ZC3H12A: variants seen among roughly 807,000 people sequenced by gnomAD.
The protein encoded by ZC3H12A is zinc finger CCCH-type containing 12A.
Under a neutral mutation model 29.9 loss-of-function variants are expected in ZC3H12A, and 9 were observed. The ratio of observed to expected loss-of-function variants is 0.30; its 90% CI spans 0.18 to 0.53. The LOEUF is 0.53. Among genes scored for constraint, ZC3H12A ranks in the 20% least tolerant of loss-of-function variants. The pLI is 0.96. For missense variants in ZC3H12A, 617 were observed against 799.0 expected, an observed-to-expected ratio of 0.77 and a Z score of 2.75; for synonymous variants, 323 against 338.1, an observed-to-expected ratio of 0.96 and a Z score of 0.49.
At chr1:37,480,527 C>A in intron 3 of ZC3H12A, 98 bp downstream of exon 3, 1 of 1,430,464 alleles carries the variant, frequency 7.0e-7, no homozygotes, top group Admixed American at 2.5e-5. Context: ...ACTTCTAGAA[C>A]TCAAGCAGGG....
At chr1:37,480,551 T>C in intron 3 of ZC3H12A, 122 bp downstream of exon 3, 1 of 1,350,094 alleles carries the variant, frequency 7.4e-7, no homozygotes, top group Non-Finnish European at 9.8e-7. Context: ...AGCATTTCTT[T>C]TCTCAGTTTT....
chr1:37,481,706 T>C lies in ZC3H12A; in HGVS notation c.689T>C (p.Val230Ala). ...RVVCYDDRFI[V>A]KLAYESDGIV... ...GTGTGCTATGACGACAGATTCATTG[T>C]GAAGCTGGCCTACGAGTCTGACGGG... Residue 230 changes from valine to alanine, a missense_variant, in exon 4 of 6, where the codon GTG becomes GCG. By Grantham distance (64) the Val-to-Ala change is moderately conservative (BLOSUM62 0). This residue lies in a region of ZC3H12A where 255 missense variants were observed against 402.5 expected (regional missense o/e 0.63). Transcript: ENST00000373087. 1 of 1,614,226 alleles carries C rather than the reference T, an allele frequency of 6.2e-7. No homozygotes were observed. The highest frequency in any genetic ancestry group is 8.5e-7 in the Non-Finnish European group (1 of 1,180,036).
rs936136132 is a variant in ZC3H12A, at chr1:37,484,064, T to G, written c.*453T>G. 1 of 165,654 alleles carries G rather than the reference T, an allele frequency of 6.0e-6. No individual in the cohort carries two copies. The highest frequency in any genetic ancestry group is 2.4e-5 in the African/African-American group (1 of 41,930). 10.3% of individuals were successfully genotyped at this position (165,654 alleles called of 1,614,324 possible). ...ACCGTGTGCCTGCCCTCCAAGGGCC[T>G]CCTCTACGCCAATGAGGCCTCATCT... On this transcript the variant is annotated 3_prime_UTR_variant, in exon 6 of 6. Transcript: ENST00000373087.
rs977108579 is a variant in ZC3H12A at position 37,484,264 on chromosome 1, G to A, written c.*653G>A. 1 of 152,284 alleles carries A rather than the reference G, an allele frequency of 6.6e-6. No individual in the cohort carries two copies. Among genetic ancestry groups the A allele is most frequent in the African/African-American group, 2.4e-5 (1 of 41,436 alleles). The allele number at this position is 152,284 out of a possible 1,614,324, so 9.4% of individuals were successfully genotyped here. A position where few individuals can be genotyped will look rare whatever the true frequency, so the allele number is the denominator to read the frequency against. On this transcript the variant is annotated 3_prime_UTR_variant, in exon 6 of 6. Transcript: ENST00000373087. ...CAGAGTCATCTCGCCCTTCCCCATG[G>A]GTGGGGGAACCTGTGTTTGTTTGTG...
chr1:37,480,799 CCT>C (rs1641686017), intron 3 of ZC3H12A, among the ~76,000 whole-genome samples: 1 of 151,600 alleles, frequency 6.6e-6, no homozygotes, highest in African/African-American at 2.4e-5. Flanking sequence ...GACAGGGACC[CCT>C]CTTAGCCCTG....
Position 37,475,904 on chromosome 1 carries a change from A to C in ZC3H12A, c.408A>C (p.Arg136Ser). The C allele has an allele frequency of 6.6e-7, 1 of 1,523,706 alleles. No individual in the cohort carries two copies. The allele number at this position is 1,523,706 out of a possible 1,614,324, so 94.4% of individuals were successfully genotyped here. The change falls in exon 2 of 6, where the codon AGA (arginine) becomes AGC (serine). Residue 136 changes from arginine to serine, a missense_variant. Arg to Ser is a moderately radical substitution (Grantham distance 110, BLOSUM62 -1). Coordinates refer to ENST00000373087, the MANE Select transcript of ZC3H12A (RefSeq NM_025079.3). This position sits in a 1 kb window ranked among gnomAD's most constrained non-coding sequence, Gnocchi z 5.2. ...AGGAAAAGGAGGGCAGCGACCTGAGACCAGTGGTCATCGATGGGAGCAACG... is the reference window on the plus strand; with the variant it reads ...AGGAAAAGGAGGGCAGCGACCTGAGCCCAGTGGTCATCGATGGGAGCAACG... The part of the protein sequence containing the change: ...PEEEKEGSDL[R>S]PVVIDGSNVA...
At position 37,481,728 on chromosome 1, in the gene ZC3H12A, C is replaced by G. The variant is rs138323365; in HGVS notation, c.711C>G (p.Asp237Glu). The G allele has an allele frequency of 6.2e-7, 1 of 1,614,240 alleles. No individual in the cohort carries two copies. The highest frequency in any genetic ancestry group is 2.2e-5 in the East Asian group (1 of 44,890). The change falls in exon 4 of 6, where the codon GAC (aspartate) becomes GAG (glutamate). Residue 237 changes from aspartate to glutamate, a missense_variant. By Grantham distance (45) the Asp-to-Glu change is conservative (BLOSUM62 2). This residue lies in a region of ZC3H12A where 255 missense variants were observed against 402.5 expected (regional missense o/e 0.63). Transcript: ENST00000373087. ...RFIVKLAYES[D>E]GIVVSNDTYR... ...TTGTGAAGCTGGCCTACGAGTCTGACGGGATCGTGGTTTCCAACGACACAT... is the reference window on the plus strand; with the variant it reads ...TTGTGAAGCTGGCCTACGAGTCTGAGGGGATCGTGGTTTCCAACGACACAT...
In ZC3H12A at chr1:37,475,495, C is replaced by A; in HGVS notation, c.-2C>A. On this transcript the variant is annotated 5_prime_UTR_variant, in exon 2 of 6. Coordinates refer to ENST00000373087, the MANE Select transcript of ZC3H12A (RefSeq NM_025079.3). The surrounding 1 kb of genome is among the most constrained non-coding windows in gnomAD (Gnocchi z 5.2). ...GCGCGGGGCCTTCCAGGAGTCTGAG[C>A]TATGAGTGGCCCCTGTGGAGAGAAG... 6.3e-7 allele frequency: 1 copy of A among 1,599,768 alleles called. No individual in the cohort carries two copies. Among genetic ancestry groups the A allele is most frequent in the Non-Finnish European group, 8.5e-7 (1 of 1,172,284 alleles).
chr1:37,482,702 C>G (rs748566226), intron 5 of ZC3H12A, 35 bp from the exon 6 acceptor site: 2 of 1,612,682 alleles, frequency 1.2e-6, no homozygotes, highest in Non-Finnish European at 1.7e-6. Context: ...TTCTGAAGTG[C>G]CCCTGCTTAG....
intron 3 of ZC3H12A, 55 bp downstream of exon 3, chr1:37,480,484 T>A: frequency 1.3e-6 from 2 of 1,572,546 alleles, no homozygotes; most frequent in Non-Finnish European, 1.7e-6. Context: ...GCCCTGGTTC[T>A]CCCCAAGAGA....
Position 37,480,316 on chromosome 1 carries a change from G to C in ZC3H12A, c.470G>C (p.Cys157Ser). The C allele has an allele frequency of 6.2e-7, 1 of 1,613,964 alleles. No homozygotes were observed. The highest frequency in any genetic ancestry group is 1.7e-5 in the Admixed American group (1 of 60,012). Reference protein sequence around the residue: ...MSHGNKEVFSCRGILLAVNWF... With the variant: ...MSHGNKEVFSSRGILLAVNWF... ...CATGGGAACAAGGAGGTCTTCTCCT[G>C]CCGGGGCATCCTGCTGGCAGTGAAC... The change falls in exon 3 of 6, where the codon TGC (cysteine) becomes TCC (serine). Residue 157 changes from cysteine to serine, a missense_variant. Cys to Ser is a moderately radical substitution (Grantham distance 112). This residue lies in a region of ZC3H12A where 255 missense variants were observed against 402.5 expected (regional missense o/e 0.63). Transcript: ENST00000373087.
At chr1:37,480,833 T>C (rs1641686772) in intron 3 of ZC3H12A, among the ~76,000 whole-genome samples, 1 of 151,730 alleles carries the variant, frequency 6.6e-6, no homozygotes, top group African/African-American at 2.4e-5. Flanking sequence ...ATGCTCCTCA[T>C]CTGAAACATG....
At chr1:37,480,158 G>A (rs1181983062) in intron 2 of ZC3H12A, 132 bp from the exon 3 acceptor site, 2 of 1,443,876 alleles carry the variant, frequency 1.4e-6, no homozygotes, top group East Asian at 2.4e-5. Context: ...ACTCCAAAGG[G>A]GAAGGGACTG....
Position 37,476,940 on chromosome 1 carries a change from G to A in ZC3H12A, c.443+1001G>A, listed in dbSNP as rs989479471. 1.3e-5 allele frequency among the ~76,000 whole-genome samples: 2 copies of A among 152,242 alleles called. No homozygotes were observed. Among genetic ancestry groups the A allele is most frequent in the Non-Finnish European group, 2.9e-5 (2 of 68,036 alleles). ...CTCCTAGGTGGGCTGCCCAAGGCTG[G>A]CATGACATCAGCCTCTGCCCTCCCT... On this transcript the variant is annotated intron_variant, in intron 2 of 5. Coordinates refer to ENST00000373087, the MANE Select transcript of ZC3H12A (RefSeq NM_025079.3). This position sits in a 1 kb window ranked among gnomAD's most constrained non-coding sequence, Gnocchi z 6.0.
chr1:37,477,810 C>G (rs937150478), intron 2 of ZC3H12A, among the ~76,000 whole-genome samples: 10 of 152,200 alleles, frequency 6.6e-5, no homozygotes, highest in African/African-American at 2.4e-4. Context: ...GTGAAAGAGA[C>G]TAAAGCTAGC....
chr1:37,475,944 G>C lies in ZC3H12A; in HGVS notation c.443+5G>C. ...TGGGAGCAACGTGGCCATGAGGTAA[G>C]TGTCACTTCTGTGGCCAGGACACAT... On this transcript the variant is annotated splice_donor_5th_base_variant and intron_variant, in intron 2 of 5. Transcript: ENST00000373087. This position sits in a 1 kb window ranked among gnomAD's most constrained non-coding sequence, Gnocchi z 5.2. 1 of 1,503,840 alleles carries C rather than the reference G, an allele frequency of 6.6e-7. No homozygotes were observed. The highest frequency in any genetic ancestry group is 8.8e-7 in the Non-Finnish European group (1 of 1,133,464). The allele number at this position is 1,503,840 out of a possible 1,614,324, so 93.2% of individuals were successfully genotyped here. A position where few individuals can be genotyped will look rare whatever the true frequency, so the allele number is the denominator to read the frequency against.
At chr1:37,482,638 T>C (rs1641733655) in intron 5 of ZC3H12A, 98 bp downstream of exon 5, 9 of 1,609,226 alleles carry the variant, frequency 5.6e-6, no homozygotes, top group Non-Finnish European at 7.6e-6. Flanking sequence ...ACCTCCACCA[T>C]TGGACCACCC....
At position 37,483,889 on chromosome 1, in the gene ZC3H12A, C is replaced by T. The variant is rs1483527031; in HGVS notation, c.*278C>T. 15 of 400,292 alleles carry T rather than the reference C, an allele frequency of 3.7e-5. No homozygotes were observed. Among genetic ancestry groups the T allele is most frequent in the Admixed American group, 3.2e-4 (8 of 25,096 alleles). 24.8% of individuals were successfully genotyped at this position (400,292 alleles called of 1,614,324 possible). On this transcript the variant is annotated 3_prime_UTR_variant, in exon 6 of 6. Transcript: ENST00000373087. The stretch of plus-strand genomic sequence containing the variant: ...TTTAAGGAGACGCTGCCGGTAACGG[C>T]GTCGGTCCGTGGCTGAGGCCCAAAC...
chr1:37,479,877 G>T lies in ZC3H12A; in HGVS notation c.444-413G>T, dbSNP rs1455135532. ...GTCCCTGTGGTCCCGGCAGCTCGCCGGGTGGGGCAGGAACCAGAAGTCTCG... is the reference window on the plus strand; with the variant it reads ...GTCCCTGTGGTCCCGGCAGCTCGCCTGGTGGGGCAGGAACCAGAAGTCTCG... On this transcript the variant is annotated intron_variant, in intron 2 of 5. Transcript: ENST00000373087. The surrounding 1 kb of genome is among the most constrained non-coding windows in gnomAD (Gnocchi z 4.5). The T allele has an allele frequency of 2.0e-6, 2 of 1,004,346 alleles. No individual in the cohort carries two copies. Among genetic ancestry groups the T allele is most frequent in the Non-Finnish European group, 2.4e-6 (2 of 841,022 alleles). 62.2% of individuals were successfully genotyped at this position (1,004,346 alleles called of 1,614,324 possible). A position where few individuals can be genotyped will look rare whatever the true frequency, so the allele number is the denominator to read the frequency against.
Sources: gnomAD v4.1 joint callset for allele counts (sites outside exome capture counted in the v4.1 genomes callset) on GRCh38, gnomAD v4.1.1 for gene constraint, gnomAD v4.1.1 regional missense constraint, Gnocchi (gnomAD v3.1) non-coding constraint, MANE v1.5 for transcripts, NCBI Gene and HGNC (gene_info 2026-07-23, HGNC 2026-07-21) for gene names.